Variants in OPCML observed in about 807,000 individuals in gnomAD.
OPCML encodes opioid-binding protein/cell adhesion molecule.
In OPCML, 13 loss-of-function variants were observed where a neutral mutation model predicts 37.8. The ratio of observed to expected loss-of-function variants is 0.34; its 90% CI spans 0.22 to 0.55. The LOEUF (loss-of-function observed/expected upper bound fraction) is 0.55. Ranked by LOEUF, OPCML falls within the 20% of genes least tolerant of loss-of-function variation. OPCML has a pLI of 0.91. For synonymous variants in OPCML, 176 were observed against 168.8 expected (o/e 1.04, Z -0.33); for missense variants, 341 against 435.6 (o/e 0.78, Z 1.93).
At chr11:132,831,361 C>A (rs1940673605) in intron 2 of OPCML, among the ~76,000 whole-genome samples, 1 of 152,086 alleles carries the variant, frequency 6.6e-6, no homozygotes, top group Non-Finnish European at 1.5e-5. Context: ...GATTTTCAGT[C>A]AAAGGGGAAT....
chr11:133,107,637 G>A (rs1949181364), intron 1 of OPCML, among the ~76,000 whole-genome samples: 1 of 152,126 alleles, frequency 6.6e-6, no homozygotes, highest in African/African-American at 2.4e-5. Context: ...AGTCACAGAC[G>A]CTTTGTCTGA....
At chr11:133,431,743 G>C (rs1946120490) in intron 1 of OPCML, among the ~76,000 whole-genome samples, 1 of 150,564 alleles carries the variant, frequency 6.6e-6, no homozygotes, top group South Asian at 2.1e-4. Flanking sequence ...GGGATTACAG[G>C]TGTGAACCAC....
chr11:132,641,149 G>T (rs889687935), intron 3 of OPCML, among the ~76,000 whole-genome samples: 1 of 152,146 alleles, frequency 6.6e-6, no homozygotes, highest in Admixed American at 6.5e-5. Flanking sequence ...TATCTCAGAG[G>T]CACTAAGGCT....
chr11:133,517,154 A>G (rs1220421602), intron 1 of OPCML, among the ~76,000 whole-genome samples: 1 of 152,348 alleles, frequency 6.6e-6, no homozygotes, highest in African/African-American at 2.4e-5. Context: ...CTTGTCCTCA[A>G]GGGTCCTCTG....
chr11:133,320,203 T>C (rs984897838), intron 1 of OPCML, among the ~76,000 whole-genome samples: 1 of 152,238 alleles, frequency 6.6e-6, no homozygotes, highest in Admixed American at 6.5e-5. Flanking sequence ...TCTAATCTGA[T>C]CAATATTTGG....
intron 3 of OPCML, among the ~76,000 whole-genome samples, chr11:132,554,259 T>C (rs79636098): frequency 0.018 from 2,757 of 152,316 alleles, 65 homozygotes; most frequent in African/African-American, 0.058. Context: ...GTTTATCTGG[T>C]TTTAATTTGA....
intron 1 of OPCML, among the ~76,000 whole-genome samples, chr11:133,110,664 G>A (rs969301980): frequency 3.9e-5 from 6 of 152,136 alleles, no homozygotes; most frequent in African/African-American, 9.7e-5. Context: ...TGTTTCATTC[G>A]TTCAGTGCTG....
At chr11:133,487,563 T>C (rs928969809) in intron 1 of OPCML, among the ~76,000 whole-genome samples, 8 of 152,186 alleles carry the variant, frequency 5.3e-5, no homozygotes, top group African/African-American at 1.9e-4. Context: ...TTATCTGAAA[T>C]GGTCCCTTTG....
At chr11:132,989,119 G>C (rs1303570520) in intron 1 of OPCML, among the ~76,000 whole-genome samples, 1 of 152,130 alleles carries the variant, frequency 6.6e-6, no homozygotes, top group African/African-American at 2.4e-5. Flanking sequence ...TAGGCAGTTT[G>C]GCAACACCTT....
At chr11:133,452,810 T>G (rs2136961714) in intron 1 of OPCML, among the ~76,000 whole-genome samples, 1 of 151,792 alleles carries the variant, frequency 6.6e-6, no homozygotes, top group East Asian at 1.9e-4. Flanking sequence ...CTCCAAGGCT[T>G]TTGCTAAAAA....
intron 1 of OPCML, among the ~76,000 whole-genome samples, chr11:133,324,518 C>T (rs1442288718): frequency 6.6e-6 from 1 of 152,180 alleles, no homozygotes; most frequent in South Asian, 2.1e-4. Flanking sequence ...AATTCTGGGT[C>T]TGTATAAAAC....
rs571466123 is a variant in OPCML, at chr11:132,482,818, C to T, written c.506-45459G>A. Among the ~76,000 whole-genome samples, 1,099 of 151,416 alleles carry T rather than the reference C, an allele frequency of 7.3e-3. 8 individuals are homozygous for T. Among genetic ancestry groups the T allele is most frequent in the African/African-American group, 0.025 (1,020 of 41,184 alleles). On this transcript the variant is annotated intron_variant, in intron 4 of 7. Transcript: ENST00000524381. ...ATATAAACAGAGCCAAAGACAAAAA[C>T]CACATGATTATCTCAATAGATGCAG...
intron 3 of OPCML, among the ~76,000 whole-genome samples, chr11:132,612,315 C>G (rs1938699400): frequency 6.6e-6 from 1 of 152,134 alleles, no homozygotes; most frequent in Non-Finnish European, 1.5e-5. Context: ...TGAACATGCA[C>G]TTATGAAGCA....
At chr11:132,541,854 G>A (rs1283940476) in intron 3 of OPCML, among the ~76,000 whole-genome samples, 1 of 152,132 alleles carries the variant, frequency 6.6e-6, no homozygotes, top group Admixed American at 6.6e-5. Flanking sequence ...TGCTGGCAGG[G>A]CTTTTGGTTT....
intron 2 of OPCML, among the ~76,000 whole-genome samples, chr11:132,841,477 A>G (rs1941283637): frequency 6.6e-6 from 1 of 152,200 alleles, no homozygotes; most frequent in Non-Finnish European, 1.5e-5. Context: ...GTAACTGTCA[A>G]TCAAAACATT....
At chr11:132,603,811 T>C (rs1938087746) in intron 3 of OPCML, among the ~76,000 whole-genome samples, 2 of 152,224 alleles carry the variant, frequency 1.3e-5, no homozygotes, top group Non-Finnish European at 2.9e-5. Flanking sequence ...TCTAACTCTT[T>C]AATTGTACTA....
At chr11:133,204,045 C>CGAGA (rs1938921391) in intron 1 of OPCML, among the ~76,000 whole-genome samples, 1 of 99,820 alleles carries the variant, frequency 1.0e-5, no homozygotes, top group South Asian at 3.5e-4. Flanking sequence ...GGGGACAGAG[C>CGAGA]GAGACTCTGT....
At chr11:132,569,905 C>G (rs1365781251) in intron 3 of OPCML, among the ~76,000 whole-genome samples, 2 of 150,184 alleles carry the variant, frequency 1.3e-5, no homozygotes, top group African/African-American at 4.9e-5. Context: ...AAAGAAATGA[C>G]AAATTTCACC....
At chr11:133,288,473 A>G (rs1274268590) in intron 1 of OPCML, among the ~76,000 whole-genome samples, 2 of 152,202 alleles carry the variant, frequency 1.3e-5, no homozygotes, top group Non-Finnish European at 2.9e-5. Flanking sequence ...AGTGCTTTAG[A>G]AAAAAAGTGG....
Sources: gnomAD v4.1 joint callset for allele counts (sites outside exome capture counted in the v4.1 genomes callset) on GRCh38, gnomAD v4.1.1 for gene constraint, MANE v1.5 for transcripts, NCBI Gene and HGNC (gene_info 2026-07-23, HGNC 2026-07-21) for gene names.